The following KPNA4 variants were observed in gnomAD, a reference collection of about 807,000 sequenced individuals.
The protein encoded by KPNA4 is importin subunit alpha-3.
A neutral mutation model predicts 71.3 loss-of-function variants in KPNA4; 13 were observed. The observed-to-expected ratio is 0.18, with a 90% CI of 0.12 to 0.29. KPNA4 has a LOEUF of 0.29. Among genes scored for constraint, KPNA4 ranks in the 10% least tolerant of loss-of-function variants. The pLI is 1.00. For missense variants in KPNA4, 334 were observed against 603.2 expected, an observed-to-expected ratio of 0.55 and a Z score of 4.67; for synonymous variants, 189 against 195.2, an observed-to-expected ratio of 0.97 and a Z score of 0.26.
rs765898133 is a variant in KPNA4, at chr3:160,508,215, C to T, written c.1264G>A (p.Val422Ile). 6.2e-6 allele frequency: 10 copies of T among 1,611,392 alleles called. No individual in the cohort carries two copies. The highest frequency in any genetic ancestry group is 8.5e-6 in the Non-Finnish European group (10 of 1,178,926). ...ACTTGCACAACTTGTGCATCTTTTA[C>T]AGTCAGCAAGTTGCAAAAAGGTGGG... ...VIPPFCNLLT[V>I]KDAQVVQVVL... is the part of the protein sequence containing the mutation. The change falls in exon 15 of 17, where the codon GTA (valine) becomes ATA (isoleucine). Residue 422 changes from valine to isoleucine, a missense_variant. Transcript: ENST00000334256.
chr3:160,505,875 G>C (rs537195131), intron 15 of KPNA4, among the ~76,000 whole-genome samples: 1 of 152,286 alleles, frequency 6.6e-6, no homozygotes, highest in East Asian at 1.9e-4. Flanking sequence ...TAAAATGCTT[G>C]TGTAATTCTA....
Position 160,565,505 on chromosome 3 carries a change from G to A in KPNA4, c.-223C>T, listed in dbSNP as rs1722334095. ...GACTGCAGCTCCGGCAAAGACAACT[G>A]TGGGGCCGGGCGGCGGCAAGGCGAC... On this transcript the variant is annotated 5_prime_UTR_variant, in exon 1 of 17. Transcript: ENST00000334256. The A allele has an allele frequency of 3.7e-6, 2 of 546,614 alleles. No individual in the cohort carries two copies. The highest frequency in any genetic ancestry group is 4.6e-5 in the South Asian group (2 of 43,806). The allele number at this position is 546,614 out of a possible 1,614,324, so 33.9% of individuals were successfully genotyped here. A position where few individuals can be genotyped will look rare whatever the true frequency, so the allele number is the denominator to read the frequency against.
intron 11 of KPNA4, among the ~76,000 whole-genome samples, chr3:160,515,889 A>G (rs1721207360): frequency 6.6e-6 from 1 of 152,130 alleles, no homozygotes; most frequent in African/African-American, 2.4e-5. Flanking sequence ...TGCTGGGATT[A>G]TAGGCATGAG....
chr3:160,532,223 T>G (rs375431424), intron 5 of KPNA4, among the ~76,000 whole-genome samples: 4 of 152,140 alleles, frequency 2.6e-5, no homozygotes, highest in African/African-American at 9.7e-5. Context: ...GAGAAAAAAA[T>G]GGGCAGATTT....
At chr3:160,551,857 T>C (rs753967040) in intron 1 of KPNA4, among the ~76,000 whole-genome samples, 57 of 151,020 alleles carry the variant, frequency 3.8e-4, no homozygotes, top group Middle Eastern at 6.8e-3. Context: ...AGTAACTGTA[T>C]TCTAATGGTT....
chr3:160,508,038 T>C, intron 15 of KPNA4, 69 bp downstream of exon 15: 1 of 1,193,460 alleles, frequency 8.4e-7, no homozygotes, highest in South Asian at 1.5e-5. Flanking sequence ...TGTGCTATAT[T>C]AGTCGGCAAA....
chr3:160,545,904 C>T lies in KPNA4; in HGVS notation c.70-9064G>A, dbSNP rs149094127. Among the ~76,000 whole-genome samples the T allele has an allele frequency of 6.1e-3, 921 of 152,184 alleles. 9 individuals carry two copies. Among genetic ancestry groups the T allele is most frequent in the African/African-American group, 0.022 (896 of 41,538 alleles). ...AAACAATGATTTTACGGTTTTTGAT[C>T]CAAACAACTGAAGGATGGAACTGCC... On this transcript the variant is annotated intron_variant, in intron 1 of 16. Coordinates refer to ENST00000334256, the MANE Select transcript of KPNA4 (RefSeq NM_002268.5).
intron 11 of KPNA4, among the ~76,000 whole-genome samples, chr3:160,521,182 A>AG (rs1268549090): frequency 6.6e-6 from 1 of 152,222 alleles, no homozygotes; most frequent in African/African-American, 2.4e-5. Flanking sequence ...AGAAAAAAAA[A>AG]GAAGTAGGGA....
chr3:160,520,083 C>G (rs1280731813), intron 11 of KPNA4, among the ~76,000 whole-genome samples: 1 of 151,874 alleles, frequency 6.6e-6, no homozygotes, highest in Non-Finnish European at 1.5e-5. Context: ...TTAATGAAGT[C>G]CATTATGAAA....
At chr3:160,545,848 T>G (rs569452666) in intron 1 of KPNA4, among the ~76,000 whole-genome samples, 1 of 152,154 alleles carries the variant, frequency 6.6e-6, no homozygotes, top group East Asian at 1.9e-4. Flanking sequence ...CAAAATTTGC[T>G]AACAGACTGG....
At chr3:160,563,929 A>G (rs1196896626) in intron 1 of KPNA4, among the ~76,000 whole-genome samples, 3 of 152,174 alleles carry the variant, frequency 2.0e-5, no homozygotes, top group African/African-American at 4.8e-5. Context: ...AAACGCTTGA[A>G]CTACTTTAAA....
intron 11 of KPNA4, among the ~76,000 whole-genome samples, chr3:160,518,675 C>T (rs1462433136): frequency 1.3e-5 from 2 of 151,660 alleles, no homozygotes; most frequent in South Asian, 4.2e-4. Context: ...GCCTGGCCAA[C>T]ACGGTGAAAC....
chr3:160,535,828 T>C lies in KPNA4; in HGVS notation c.184A>G (p.Ile62Val), dbSNP rs185734795. ...PHEDICEDSDIDGDYRVQNTS... is the reference protein window; with the variant it reads ...PHEDICEDSDVDGDYRVQNTS... ...CTTACCACTCTATAATCACCATCTATATCAGAGTCTTCACAGATATCTTCA... is the reference window on the plus strand; with the variant it reads ...CTTACCACTCTATAATCACCATCTACATCAGAGTCTTCACAGATATCTTCA... Residue 62 changes from isoleucine to valine, a missense_variant, in exon 3 of 17, where the codon ATA becomes GTA. Physicochemically the swap from Ile to Val is conservative, Grantham distance 29. Coordinates refer to ENST00000334256, the MANE Select transcript of KPNA4 (RefSeq NM_002268.5). 2.7e-6 allele frequency: 4 copies of C among 1,460,818 alleles called. No individual in the cohort carries two copies. The African/African-American group carries it at 4.5e-5, about 16-fold the overall frequency. 90.5% of individuals were successfully genotyped at this position (1,460,818 alleles called of 1,614,324 possible).
intron 1 of KPNA4, among the ~76,000 whole-genome samples, chr3:160,538,123 GTA>G (rs1050020372): frequency 6.7e-6 from 1 of 148,578 alleles, no homozygotes; most frequent in African/African-American, 2.5e-5. Context: ...ATATATATAT[GTA>G]TATATATGTA....
At chr3:160,527,141 C>A (rs1055460949) in intron 8 of KPNA4, among the ~76,000 whole-genome samples, 1 of 152,168 alleles carries the variant, frequency 6.6e-6, no homozygotes, top group Non-Finnish European at 1.5e-5. Flanking sequence ...TAGAATCATT[C>A]TCCTTCACTA....
chr3:160,550,817 T>C (rs1722025345), intron 1 of KPNA4, among the ~76,000 whole-genome samples: 1 of 152,200 alleles, frequency 6.6e-6, no homozygotes, highest in South Asian at 2.1e-4. Context: ...TCATACTGAT[T>C]TTCATATGTT....
At chr3:160,533,798 T>A (rs986144810) in intron 5 of KPNA4, among the ~76,000 whole-genome samples, 1 of 152,194 alleles carries the variant, frequency 6.6e-6, no homozygotes, top group Non-Finnish European at 1.5e-5. Flanking sequence ...CCCATGAAAT[T>A]GTCTTGGAAT....
Position 160,539,543 on chromosome 3 carries a change from G to A in KPNA4, c.70-2703C>T, listed in dbSNP as rs927930174. 2.0e-5 allele frequency among the ~76,000 whole-genome samples: 3 copies of A among 152,104 alleles called. No individual in the cohort carries two copies. The East Asian group carries it at 5.8e-4, about 29-fold the overall frequency. On this transcript the variant is annotated intron_variant, in intron 1 of 16. Transcript: ENST00000334256. ...AGCCATATTGTTTTCCACACTTCTC[G>A]AAGTCAGAGTTCAAGTGAATTGGAG...
intron 10 of KPNA4, among the ~76,000 whole-genome samples, chr3:160,522,533 C>T (rs1369758231): frequency 1.3e-5 from 2 of 152,120 alleles, no homozygotes; most frequent in African/African-American, 4.8e-5. Context: ...TCTCGGTTCA[C>T]TGCAAGCTCC....
Sources: gnomAD v4.1 joint callset for allele counts (sites outside exome capture counted in the v4.1 genomes callset) on GRCh38, gnomAD v4.1.1 for gene constraint, MANE v1.5 for transcripts, NCBI Gene and HGNC (gene_info 2026-07-23, HGNC 2026-07-21) for gene names.